AFAP1L1: variants seen among roughly 807,000 people sequenced by gnomAD.
AFAP1L1 encodes actin filament associated protein 1 like 1.
In AFAP1L1, 77 loss-of-function variants were observed where a neutral mutation model predicts 99.8. The observed-to-expected ratio is 0.77, with a 90% confidence interval of 0.64 to 0.93. The LOEUF (loss-of-function observed/expected upper bound fraction) is 0.93, where lower values mean the gene tolerates loss of function less well. AFAP1L1 is among the 40% of genes least tolerant of loss of function. AFAP1L1 has a pLI of 0.00. For missense variants in AFAP1L1, 893 were observed against 996.8 expected, an observed-to-expected ratio of 0.90 and a Z score of 1.40; for synonymous variants, 373 against 395.3, an observed-to-expected ratio of 0.94 and a Z score of 0.67.
chr5:149,304,053 A>G (rs1215826136), intron 5 of AFAP1L1, among the ~76,000 whole-genome samples: 1 of 152,188 alleles, frequency 6.6e-6, no homozygotes, highest in African/African-American at 2.4e-5. Flanking sequence ...GCCCCTGCTA[A>G]CCACCAATTC....
chr5:149,330,904 T>C (rs1205025524), intron 16 of AFAP1L1, among the ~76,000 whole-genome samples: 2 of 152,224 alleles, frequency 1.3e-5, no homozygotes, highest in African/African-American at 4.8e-5. Flanking sequence ...CAATGCCTGA[T>C]ACATGGTAAG....
chr5:149,297,629 G>A (rs1756058206), intron 1 of AFAP1L1, among the ~76,000 whole-genome samples: 1 of 152,116 alleles, frequency 6.6e-6, no homozygotes, highest in Non-Finnish European at 1.5e-5. Context: ...CAGAGAGACT[G>A]CAGCATCATG....
intron 5 of AFAP1L1, chr5:149,304,205 T>C (rs1756323594): frequency 6.6e-6 from 1 of 152,268 alleles, no homozygotes; most frequent in Admixed American, 6.5e-5. Context: ...AGAACTTCTT[T>C]CCTTTCTATG....
At chr5:149,273,287 C>T (rs184048087) in intron 1 of AFAP1L1, among the ~76,000 whole-genome samples, 2 of 151,758 alleles carry the variant, frequency 1.3e-5, no homozygotes, top group African/African-American at 4.8e-5. Flanking sequence ...ACACCTCTCC[C>T]CCATCTGCCT....
At chr5:149,327,529 T>C (rs1481260970) in intron 15 of AFAP1L1, among the ~76,000 whole-genome samples, 1 of 152,074 alleles carries the variant, frequency 6.6e-6, no homozygotes, top group Non-Finnish European at 1.5e-5. Context: ...TACTATATAG[T>C]ATAGTCATAT....
intron 4 of AFAP1L1, 65 bp downstream of exon 4, chr5:149,301,295 T>C (rs1756202593): frequency 6.6e-7 from 1 of 1,504,716 alleles, no homozygotes. Flanking sequence ...CAAGGGAAGC[T>C]CTCCCCTTCC....
At chr5:149,282,925 G>T (rs1230002693) in intron 1 of AFAP1L1, among the ~76,000 whole-genome samples, 3 of 152,186 alleles carry the variant, frequency 2.0e-5, no homozygotes, top group Non-Finnish European at 4.4e-5. Context: ...TTTGGCCTCA[G>T]AAACCTTTTG....
intron 1 of AFAP1L1, among the ~76,000 whole-genome samples, chr5:149,292,032 A>G (rs181567726): frequency 6.6e-6 from 1 of 152,330 alleles, no homozygotes; most frequent in East Asian, 1.9e-4. Flanking sequence ...GGAAAAGAGA[A>G]GTTGTATATT....
intron 18 of AFAP1L1, 53 bp from the exon 19 acceptor site, chr5:149,339,954 T>C: frequency 1.2e-6 from 2 of 1,606,184 alleles, no homozygotes; most frequent in Non-Finnish European, 1.7e-6. Flanking sequence ...TCTTTATCCA[T>C]GTCACACTAG....
In AFAP1L1 at chr5:149,329,736, G is replaced by A. The variant is rs1249521498; in HGVS notation, c.1881G>A (p.Glu627=). The A allele has an allele frequency of 6.2e-7, 1 of 1,614,092 alleles. No homozygotes were observed. Among genetic ancestry groups the A allele is most frequent in the Non-Finnish European group, 8.5e-7 (1 of 1,179,998 alleles). Residue 627 remains glutamate (E), a synonymous_variant, in exon 16 of 19, where the codon GAG becomes GAA. Coordinates refer to ENST00000296721, the MANE Select transcript of AFAP1L1 (RefSeq NM_152406.4). ...CCCGGAGGTACTTGGTAGAAAAAGAGAAGCTGGAGAAAGAGAAAGAGACGA... is the reference window on the plus strand; with the variant it reads ...CCCGGAGGTACTTGGTAGAAAAAGAAAAGCTGGAGAAAGAGAAAGAGACGA... ...EDARRYLVEK[E]KLEKEKETIR...
chr5:149,312,138 T>C lies in AFAP1L1; in HGVS notation c.954T>C (p.Val318=). 6.2e-7 allele frequency: 1 copy of C among 1,613,982 alleles called. No individual in the cohort carries two copies. Residue 318 remains valine (V), a synonymous_variant, in exon 9 of 19, where the codon GTT becomes GTC. Transcript: ENST00000296721. ...TCATCCGAGAAGTGAGCAAGCCAGT[T>C]GGGGGAGCTGAGGGAGTGGAGGTCC... ...LKVIREVSKP[V]GGAEGVEVPR...
chr5:149,281,142 G>T (rs1755506963), intron 1 of AFAP1L1, among the ~76,000 whole-genome samples: 1 of 152,102 alleles, frequency 6.6e-6, no homozygotes, highest in Non-Finnish European at 1.5e-5. Flanking sequence ...AGTCATTCAC[G>T]GTGGGGGGGT....
At chr5:149,317,474 G>A (rs1377881392) in intron 11 of AFAP1L1, among the ~76,000 whole-genome samples, 2 of 152,226 alleles carry the variant, frequency 1.3e-5, no homozygotes, top group African/African-American at 4.8e-5. Context: ...ATATGCAGTA[G>A]TTCCTGCCCT....
intron 3 of AFAP1L1, among the ~76,000 whole-genome samples, chr5:149,300,562 A>G (rs1216133441): frequency 1.3e-5 from 2 of 152,220 alleles, no homozygotes; most frequent in South Asian, 2.1e-4. Context: ...GACTTGAGGA[A>G]TGGTAGGGAT....
intron 2 of AFAP1L1, among the ~76,000 whole-genome samples, chr5:149,299,922 C>T (rs2092272410): frequency 6.6e-6 from 1 of 151,868 alleles, no homozygotes; most frequent in South Asian, 2.1e-4. Context: ...CACACACTCA[C>T]ATAGAACACA....
At chr5:149,330,533 G>A (rs1021663721) in intron 16 of AFAP1L1, among the ~76,000 whole-genome samples, 1 of 152,204 alleles carries the variant, frequency 6.6e-6, no homozygotes, top group Non-Finnish European at 1.5e-5. Flanking sequence ...GAGCTCATGT[G>A]GCTGCCTGTG....
chr5:149,309,678 T>C (rs556634501), intron 7 of AFAP1L1, among the ~76,000 whole-genome samples: 95 of 152,172 alleles, frequency 6.2e-4, no homozygotes, highest in Non-Finnish European at 9.8e-4. Context: ...TCTCTGGTTC[T>C]TTAGGCTAAC....
intron 1 of AFAP1L1, among the ~76,000 whole-genome samples, chr5:149,279,625 C>T (rs751023246): frequency 7.7e-4 from 117 of 152,176 alleles, no homozygotes; most frequent in Non-Finnish European, 1.2e-3. Context: ...TGCTTAAACC[C>T]TTCAGTGGTT....
At chr5:149,309,520 T>C (rs34960718) in intron 7 of AFAP1L1, among the ~76,000 whole-genome samples, 11,423 of 152,246 alleles carry the variant, frequency 0.075, 510 homozygotes, top group East Asian at 0.18. Flanking sequence ...AAGGTAATAC[T>C]GGGCTCATTA....
Sources: allele counts gnomAD v4.1 joint callset (sites outside exome capture counted in the v4.1 genomes callset), GRCh38; gene constraint gnomAD v4.1.1; transcripts MANE v1.5; gene names NCBI Gene and HGNC (gene_info 2026-07-23, HGNC 2026-07-21).